OSBPL9: variants seen among roughly 807,000 people sequenced by gnomAD.
The protein encoded by OSBPL9 is oxysterol binding protein like 9, also known as oxysterol-binding protein-related protein 9.
OSBPL9 carries 40 observed loss-of-function variants against 106.6 expected under a neutral mutation model. That is an observed-to-expected ratio of 0.38 (90% CI 0.29 to 0.49). The LOEUF (loss-of-function observed/expected upper bound fraction) is 0.49. Among genes scored for constraint, OSBPL9 ranks in the 20% least tolerant of loss-of-function variants. OSBPL9 has a pLI of 0.97. For synonymous variants in OSBPL9, 269 were observed against 295.4 expected, an observed-to-expected ratio of 0.91 and a Z score of 0.92; for missense variants, 609 against 887.2, an observed-to-expected ratio of 0.69 and a Z score of 3.98.
chr1:51,599,006 A>AAAAAT (rs1645315484), intron 2 of OSBPL9, among the ~76,000 whole-genome samples: 1 of 152,056 alleles, frequency 6.6e-6, no homozygotes, highest in South Asian at 2.1e-4. Flanking sequence ...AAAAAAAAAA[A>AAAAAT]AAAAGTGTGA....
intron 4 of OSBPL9, among the ~76,000 whole-genome samples, chr1:51,718,526 G>C (rs1331934064): frequency 1.3e-5 from 2 of 152,050 alleles, no homozygotes; most frequent in Non-Finnish European, 2.9e-5. Flanking sequence ...ATCACCTTTA[G>C]AATTTCTTGT....
At chr1:51,725,104 C>T (rs1412817143) in intron 4 of OSBPL9, among the ~76,000 whole-genome samples, 1 of 150,206 alleles carries the variant, frequency 6.7e-6, no homozygotes, top group East Asian at 1.9e-4. Flanking sequence ...TATTTTGTTC[C>T]AGGCTTTTTT....
chr1:51,731,754 C>A (rs1267329072), intron 4 of OSBPL9, among the ~76,000 whole-genome samples: 2 of 143,602 alleles, frequency 1.4e-5, no homozygotes, highest in Non-Finnish European at 3.0e-5. Context: ...TCCAGCCTGG[C>A]GACAGAGCAA....
At chr1:51,745,748 G>C (rs1248046043) in intron 5 of OSBPL9, 117 bp downstream of exon 5, 1 of 1,258,776 alleles carries the variant, frequency 7.9e-7, no homozygotes, top group Non-Finnish European at 1.0e-6. Context: ...TTCTTCAGCA[G>C]TTTTTAAAGC....
At chr1:51,783,133 A>G (rs1369062716) in intron 17 of OSBPL9, among the ~76,000 whole-genome samples, 1 of 152,112 alleles carries the variant, frequency 6.6e-6, no homozygotes, top group African/African-American at 2.4e-5. Flanking sequence ...TGTAAATGCT[A>G]TGTAAATAGT....
At chr1:51,753,467 A>G (rs367594312) in intron 8 of OSBPL9, among the ~76,000 whole-genome samples, 11 of 152,328 alleles carry the variant, frequency 7.2e-5, no homozygotes, top group African/African-American at 2.6e-4. Context: ...TTAAAGTGAC[A>G]GTAACACATC....
chr1:51,752,642 A>G (rs755064795), intron 8 of OSBPL9: 5 of 443,680 alleles, frequency 1.1e-5, no homozygotes, highest in Admixed American at 2.4e-5. Context: ...GAAGTCCAAG[A>G]TCAACATTCT....
intron 12 of OSBPL9, among the ~76,000 whole-genome samples, chr1:51,767,936 C>CTTTTTTTTTTTTTT (rs869092922): frequency 1.8e-4 from 12 of 65,054 alleles, no homozygotes; most frequent in South Asian, 1.5e-3. Context: ...TAAAGACCGT[C>CTTTTTTTTTTTTTT]TTTTTTTTTT....
At chr1:51,572,262 T>C (rs1214590248), upstream of OSBPL9, among the ~76,000 whole-genome samples, 1 of 152,104 alleles carries the variant, frequency 6.6e-6, no homozygotes, top group Non-Finnish European at 1.5e-5. Context: ...GACAAAAGCT[T>C]TCTCAGACAA....
chr1:51,748,498 G>A (rs1165446134), intron 7 of OSBPL9, 100 bp downstream of exon 7: 5 of 1,252,102 alleles, frequency 4.0e-6, no homozygotes, highest in Non-Finnish European at 5.2e-6. Context: ...CAATTGAGAT[G>A]TTAGTTTTTA....
chr1:51,733,338 T>G (rs945206722), intron 4 of OSBPL9, among the ~76,000 whole-genome samples: 1 of 152,190 alleles, frequency 6.6e-6, no homozygotes, highest in African/African-American at 2.4e-5. Context: ...GATAATAGCT[T>G]AAGTGTGTAA....
upstream of OSBPL9, among the ~76,000 whole-genome samples, chr1:51,613,584 T>TA (rs1354469010): frequency 6.6e-6 from 1 of 151,914 alleles, no homozygotes; most frequent in Admixed American, 6.6e-5. Flanking sequence ...TGGCATAGGG[T>TA]AGATAATAAA....
In OSBPL9 at chr1:51,788,207, CATATAT is replaced by C. The variant is rs1165436237; in HGVS notation, c.*422_*427del. The C allele has an allele frequency of 6.3e-6, 1 of 157,620 alleles. No homozygotes were observed. Among genetic ancestry groups the C allele is most frequent in the Non-Finnish European group, 1.4e-5 (1 of 71,568 alleles). The allele number at this position is 157,620 out of a possible 1,614,324, so 9.8% of individuals were successfully genotyped here. A position where few individuals can be genotyped will look rare whatever the true frequency, so the allele number is the denominator to read the frequency against. ...ACACACATACGTATACACACACATA[CATATAT>C]ATAAATATACCTGATGCCAGATTTT... On this transcript the variant is annotated 3_prime_UTR_variant, in exon 24 of 24. Transcript: ENST00000428468.
At chr1:51,545,194 G>A in the OSBPL9 span, among the ~76,000 whole-genome samples, 3 of 152,078 alleles carry the variant, frequency 2.0e-5, no homozygotes, top group Non-Finnish European at 4.4e-5. Flanking sequence ...AGATAAACCA[G>A]GCAAATGTGA....
intron 3 of OSBPL9, among the ~76,000 whole-genome samples, chr1:51,706,837 A>T (rs1658657736): frequency 6.6e-6 from 1 of 151,806 alleles, no homozygotes; most frequent in Non-Finnish European, 1.5e-5. Context: ...TGACCTATGG[A>T]TTATTTAGAA....
intron 2 of OSBPL9, among the ~76,000 whole-genome samples, chr1:51,600,815 A>G (rs978309180): frequency 6.6e-6 from 1 of 152,234 alleles, no homozygotes; most frequent in Non-Finnish European, 1.5e-5. Flanking sequence ...TAAGAACTCA[A>G]TAAGATGAAT....
chr1:51,565,199 C>A, the OSBPL9 span, among the ~76,000 whole-genome samples: 171 of 152,316 alleles, frequency 1.1e-3, 1 homozygote, highest in African/African-American at 3.8e-3. Context: ...GACACTGACT[C>A]TGCTCTGACC....
At chr1:51,745,473 T>A in intron 4 of OSBPL9, 63 bp from the exon 5 acceptor site, 1 of 1,564,542 alleles carries the variant, frequency 6.4e-7, no homozygotes, top group Non-Finnish European at 8.7e-7. Context: ...GGGAAAAGTA[T>A]TTTTTGTACT....
chr1:51,659,468 T>C (rs1361532463), intron 2 of OSBPL9, among the ~76,000 whole-genome samples: 1 of 151,792 alleles, frequency 6.6e-6, no homozygotes, highest in African/African-American at 2.4e-5. Context: ...GAATTAATGA[T>C]CTAAACATTA....
Sources: gnomAD v4.1 joint callset for allele counts (sites outside exome capture counted in the v4.1 genomes callset) on GRCh38, gnomAD v4.1.1 for gene constraint, MANE v1.5 for transcripts, NCBI Gene and HGNC (gene_info 2026-07-23, HGNC 2026-07-21) for gene names.